MBTPS2: variants seen among roughly 807,000 people sequenced by gnomAD.
MBTPS2 encodes the protein membrane-bound transcription factor site-2 protease.
Under a neutral mutation model 35.4 loss-of-function variants are expected in MBTPS2, and 2 were observed. That is an observed-to-expected ratio of 0.06 (90% CI 0.02 to 0.18). MBTPS2 has a LOEUF of 0.18. MBTPS2 is among the 10% of genes least tolerant of loss of function. The probability of loss-of-function intolerance (pLI) is 1.00; values close to 1 mark genes in which losing one functional copy is unlikely to be tolerated. For missense variants in MBTPS2, 244 were observed against 386.5 expected (o/e 0.63, Z 3.09); for synonymous variants, 125 against 140.4 (o/e 0.89, Z 0.77).
chrX:21,869,695 A>G lies in MBTPS2; in HGVS notation c.970+17A>G, dbSNP rs768077088. ...CAGTTAGAGGTGTGTATATTTCCTC[A>G]ATATAATATAATGCTTCAAGCACCA... On this transcript the variant is annotated intron_variant, in intron 7 of 10. Transcript: ENST00000379484. 4.6e-5 allele frequency: 51 copies of G among 1,117,482 alleles called. No individual in the cohort carries two copies. Among genetic ancestry groups the G allele is most frequent in the Non-Finnish European group, 6.2e-5 (50 of 810,715 alleles). 92.1% of individuals were successfully genotyped at this position (1,117,482 alleles called of 1,213,427 possible). A position where few individuals can be genotyped will look rare whatever the true frequency, so the allele number is the denominator to read the frequency against.
rs2092963064 is a variant in MBTPS2 at position 21,884,930 on chromosome X, A to T, written c.*2275A>T. The T allele has an allele frequency of 1.3e-6, 1 of 754,120 alleles. No individual in the cohort carries two copies. The highest frequency in any genetic ancestry group is 2.3e-5 in the African/African-American group (1 of 43,925). The allele number at this position is 754,120 out of a possible 1,213,427, so 62.1% of individuals were successfully genotyped here. A position where few individuals can be genotyped will look rare whatever the true frequency, so the allele number is the denominator to read the frequency against. On this transcript the variant is annotated 3_prime_UTR_variant, in exon 11 of 11. Coordinates refer to ENST00000379484, the MANE Select transcript of MBTPS2 (RefSeq NM_015884.4). ...GCATATTATCATCTTCATGGAAAGAATCCACTGTGGTTTCTGTAGAGTGAT... is the reference window on the plus strand; with the variant it reads ...GCATATTATCATCTTCATGGAAAGATTCCACTGTGGTTTCTGTAGAGTGAT...
chrX:21,871,564 G>C (rs1260664131), intron 7 of MBTPS2: 3 of 111,534 alleles, frequency 2.7e-5, no homozygotes, highest in Non-Finnish European at 3.8e-5. Flanking sequence ...CCACAATACT[G>C]TTATAATTCC....
At chrX:21,839,907 C>G (rs2092900828) in intron 1 of MBTPS2, 98 bp downstream of exon 1, 3 of 828,847 alleles carry the variant, frequency 3.6e-6, no homozygotes, top group Non-Finnish European at 5.3e-6. Context: ...CCGGGCTGGA[C>G]GGTGCCCACG....
rs1167562337 is a variant in MBTPS2 at position 21,857,589 on chromosome X, A to C, written c.670+4086A>C. The C allele has an allele frequency of 5.8e-6, 7 of 1,202,368 alleles. No individual in the cohort carries two copies. The East Asian group carries it at 1.5e-4, about 26-fold the overall frequency. On this transcript the variant is annotated intron_variant, in intron 5 of 10. Coordinates refer to ENST00000379484, the MANE Select transcript of MBTPS2 (RefSeq NM_015884.4). ...CCACATATTAACGCATGTGAAGACC[A>C]AAAACAACCCGTGAAAAGGAGAAGA...
In MBTPS2 at chrX:21,857,258, T is replaced by C. The variant is rs748022166; in HGVS notation, c.670+3755T>C. On this transcript the variant is annotated intron_variant, in intron 5 of 10. Transcript: ENST00000379484. ...CTCCCAAAACAGTCCCTTGCTCTTA[T>C]AGCGGCTGCGAAAAGATGTTCCGGG... 23 of 1,210,157 alleles carry C rather than the reference T, an allele frequency of 1.9e-5. No individual in the cohort carries two copies. In the Middle Eastern group the frequency reaches 6.9e-4, roughly 36 times the overall value.
Position 21,884,550 on chromosome X carries a change from T to G in MBTPS2, c.*1895T>G. ...ATTTCAACTGTTAAACATTTTGATCTGTTGACCCATAGGATCAGGATTTGG... is the reference window on the plus strand; with the variant it reads ...ATTTCAACTGTTAAACATTTTGATCGGTTGACCCATAGGATCAGGATTTGG... On this transcript the variant is annotated 3_prime_UTR_variant, in exon 11 of 11. Coordinates refer to ENST00000379484, the MANE Select transcript of MBTPS2 (RefSeq NM_015884.4). 1 of 754,248 alleles carries G rather than the reference T, an allele frequency of 1.3e-6. No homozygotes were observed. The highest frequency in any genetic ancestry group is 1.6e-6 in the Non-Finnish European group (1 of 639,107). The allele number at this position is 754,248 out of a possible 1,213,427, so 62.2% of individuals were successfully genotyped here.
At chrX:21,868,390 C>G (rs2092943158) in intron 5 of MBTPS2, 77 bp from the exon 6 acceptor site, 2 of 636,583 alleles carry the variant, frequency 3.1e-6, no homozygotes, top group Non-Finnish European at 5.4e-6. Flanking sequence ...TCAGAATGCC[C>G]AAGTGTTGTG....
intron 5 of MBTPS2, among the ~76,000 whole-genome samples, chrX:21,866,935 A>G (rs958537327): frequency 9.2e-6 from 1 of 108,594 alleles, no homozygotes; most frequent in Non-Finnish European, 1.9e-5. Context: ...AGGCTGAGGC[A>G]GGTGAATCAC....
intron 1 of MBTPS2, 53 bp from the exon 2 acceptor site, chrX:21,843,117 T>C: frequency 1.0e-6 from 1 of 990,953 alleles, no homozygotes; most frequent in East Asian, 3.0e-5. Context: ...TTCTTACACA[T>C]TATAAATTGT....
Position 21,845,285 on chromosome X carries a change from T to C in MBTPS2, c.339T>C (p.Tyr113=), listed in dbSNP as rs7063422. 2.2e-5 allele frequency: 26 copies of C among 1,203,779 alleles called. No individual in the cohort carries two copies. In the South Asian group the frequency reaches 3.0e-4, roughly 14 times the overall value. The change falls in exon 3 of 11, where the codon TAT becomes TAC. Residue 113 remains tyrosine (Y), a synonymous_variant. Coordinates refer to ENST00000379484, the MANE Select transcript of MBTPS2 (RefSeq NM_015884.4). ...TGATGGCTGACTCTCCCTCTTCTTA[T>C]TCTTCCTCCTCTTCTTCCTCTTCCT... ...AQMMADSPSS[Y]SSSSSSSSSS...
At chrX:21,881,227 T>G (rs1370744802) in intron 10 of MBTPS2, among the ~76,000 whole-genome samples, 3 of 112,009 alleles carry the variant, frequency 2.7e-5, no homozygotes, top group Non-Finnish European at 3.8e-5. Context: ...AGAATTGAAT[T>G]TACAAGTCTA....
intron 5 of MBTPS2, among the ~76,000 whole-genome samples, chrX:21,854,654 C>G (rs1224294586): frequency 3.6e-5 from 4 of 111,314 alleles, no homozygotes; most frequent in Admixed American, 9.5e-5. Flanking sequence ...ACCATCAAAG[C>G]AAAACAAAAA....
At chrX:21,840,019 G>A (rs1162730760) in intron 1 of MBTPS2, among the ~76,000 whole-genome samples, 2 of 112,020 alleles carry the variant, frequency 1.8e-5, no homozygotes, top group Admixed American at 1.9e-4. Flanking sequence ...TCGCAGTGCG[G>A]GGCAGTGCAG....
At chrX:21,863,847 C>G (rs914107097) in intron 5 of MBTPS2, among the ~76,000 whole-genome samples, 61 of 111,953 alleles carry the variant, frequency 5.4e-4, no homozygotes, top group African/African-American at 1.7e-3. Flanking sequence ...GCCCTGCCGT[C>G]TTTCCCAGGC....
chrX:21,865,823 C>G (rs2092938982), intron 5 of MBTPS2, among the ~76,000 whole-genome samples: 1 of 112,248 alleles, frequency 8.9e-6, no homozygotes. Flanking sequence ...GCAAACCACA[C>G]TAAGCATAAG....
intron 5 of MBTPS2, chrX:21,856,551 CACG>C: frequency 1.7e-6 from 2 of 1,211,822 alleles, no homozygotes; most frequent in Non-Finnish European, 2.2e-6. Flanking sequence ...TGTGGAGCTC[CACG>C]ACATCAATGT....
chrX:21,878,683 C>G lies in MBTPS2; in HGVS notation c.1252C>G (p.His418Asp). 1 of 1,195,739 alleles carries G rather than the reference C, an allele frequency of 8.4e-7. No individual in the cohort carries two copies. The highest frequency in any genetic ancestry group is 1.1e-6 in the Non-Finnish European group (1 of 881,012). Residue 418 changes from histidine to aspartate, a missense_variant, in exon 9 of 11, where the codon CAC becomes GAC. Coordinates refer to ENST00000379484, the MANE Select transcript of MBTPS2 (RefSeq NM_015884.4). ...ATACGTAGGACATCCTCTGCATCTT[C>G]ACTACACAGGTGAGTATTTTTGTGG... is the stretch of plus-strand genomic sequence containing the variant. ...MLYVGHPLHL[H>D]YTVSITSFIP...
At chrX:21,849,477 C>T (rs1052644502) in intron 3 of MBTPS2, among the ~76,000 whole-genome samples, 1 of 110,815 alleles carries the variant, frequency 9.0e-6, no homozygotes, top group Non-Finnish European at 1.9e-5. Context: ...ACGAGCTTGC[C>T]CAAGGTTATG....
chrX:21,855,913 CTT>C (rs778471519), intron 5 of MBTPS2: 1 of 111,927 alleles, frequency 8.9e-6, no homozygotes, highest in Admixed American at 9.4e-5. Flanking sequence ...TAGCACAACA[CTT>C]TGCATTCCTA....
Sources: gnomAD v4.1 joint callset for allele counts (sites outside exome capture counted in the v4.1 genomes callset) on GRCh38, gnomAD v4.1.1 for gene constraint, MANE v1.5 for transcripts, NCBI Gene and HGNC (gene_info 2026-07-23, HGNC 2026-07-21) for gene names.